FNIP2: variants seen among roughly 807,000 people sequenced by gnomAD.
FNIP2 encodes folliculin-interacting protein 2.
FNIP2 carries 32 observed loss-of-function variants against 108.7 expected under a neutral mutation model. The observed-to-expected ratio is 0.29, with a 90% CI of 0.22 to 0.40. The LOEUF (loss-of-function observed/expected upper bound fraction) is 0.40. FNIP2 is among the 10% of genes least tolerant of loss of function. The pLI is 1.00. For missense variants in FNIP2, 1,202 were observed against 1,381.6 expected (o/e 0.87, Z 2.06); for synonymous variants, 480 against 496.7 (o/e 0.97, Z 0.45).
Position 158,868,717 on chromosome 4 carries a change from T to C in FNIP2, c.2081T>C (p.Leu694Pro). 1.2e-6 allele frequency: 2 copies of C among 1,614,012 alleles called. No individual in the cohort carries two copies. Among genetic ancestry groups the C allele is most frequent in the South Asian group, 1.1e-5 (1 of 91,086 alleles). ...ELLKVEMPTR[L>P]PDRSVAWPCP... ...TTGAAAGTGGAGATGCCTACAAGAC[T>C]GCCAGACCGGTCAGTGGCCTGGCCT... The change falls in exon 13 of 17, where the codon CTG (leucine) becomes CCG (proline). Residue 694 changes from leucine to proline, a missense_variant. Physicochemically the swap from Leu to Pro is moderately conservative, Grantham distance 98 (BLOSUM62 -3). This residue lies in a region of FNIP2 where 878 missense variants were observed against 990.3 expected (regional missense o/e 0.89). Transcript: ENST00000264433. The surrounding 1 kb of genome is among the most constrained non-coding windows in gnomAD (Gnocchi z 4.6).
chr4:158,839,175 C>T (rs991464511), intron 7 of FNIP2, among the ~76,000 whole-genome samples: 2 of 152,122 alleles, frequency 1.3e-5, no homozygotes, highest in African/African-American at 4.8e-5. Flanking sequence ...TTACCCCATA[C>T]CTAAGGGGTG....
Position 158,895,737 on chromosome 4 carries a change from C to T in FNIP2, c.3151-13C>T. The T allele has an allele frequency of 6.5e-7, 1 of 1,538,538 alleles. No homozygotes were observed. Among genetic ancestry groups the T allele is most frequent in the Non-Finnish European group, 9.0e-7 (1 of 1,113,868 alleles). On this transcript the variant is annotated splice_polypyrimidine_tract_variant and intron_variant, in intron 15 of 16. Transcript: ENST00000264433. ...ACTTCTAGCCCTCATTGTGAATGTT[C>T]TTGGCTTTGCAGTGCATCATGCATC... is the stretch of plus-strand genomic sequence containing the variant.
chr4:158,825,013 G>A (rs1778077810), intron 1 of FNIP2, among the ~76,000 whole-genome samples: 1 of 152,154 alleles, frequency 6.6e-6, no homozygotes, highest in Non-Finnish European at 1.5e-5. Flanking sequence ...ACATTCGTCT[G>A]TGATTATTTG....
chr4:158,770,570 C>T (rs893857562), intron 1 of FNIP2, among the ~76,000 whole-genome samples: 1 of 152,076 alleles, frequency 6.6e-6, no homozygotes, highest in African/African-American at 2.4e-5. Context: ...TGTGTGTGCA[C>T]GCGCGCTCAT....
intron 7 of FNIP2, among the ~76,000 whole-genome samples, chr4:158,846,920 C>T (rs1204006507): frequency 7.2e-5 from 11 of 152,162 alleles, no homozygotes; most frequent in Non-Finnish European, 1.0e-4. Flanking sequence ...GAATTGCCAG[C>T]GCCACCCCTC....
At chr4:158,880,390 A>G (rs1365571552) in intron 14 of FNIP2, among the ~76,000 whole-genome samples, 1 of 152,162 alleles carries the variant, frequency 6.6e-6, no homozygotes, top group Non-Finnish European at 1.5e-5. Flanking sequence ...GAATTGAACA[A>G]TGAGAACACA....
chr4:158,899,561 T>C (rs1028599624), intron 16 of FNIP2, among the ~76,000 whole-genome samples: 8 of 152,248 alleles, frequency 5.3e-5, no homozygotes, highest in Non-Finnish European at 8.8e-5. Context: ...ATTTGACTTC[T>C]TCCTAGTTTA....
intron 1 of FNIP2, among the ~76,000 whole-genome samples, chr4:158,776,783 A>T (rs1045984667): frequency 6.6e-6 from 1 of 152,216 alleles, no homozygotes; most frequent in Non-Finnish European, 1.5e-5. Flanking sequence ...CGTTTAATAA[A>T]TACCTGTTGA....
chr4:158,870,446 G>A lies in FNIP2; in HGVS notation c.2926G>A (p.Ala976Thr). The change falls in exon 14 of 17, where the codon GCC becomes ACC. Residue 976 changes from alanine (A) to threonine (T), a missense_variant. Ala to Thr is a moderately conservative substitution (Grantham distance 58, BLOSUM62 0). Around this residue, in one of 5 missense-constraint regions of FNIP2, gnomAD observed 142 missense variants for 183.8 expected, o/e 0.77. Transcript: ENST00000264433. ...SDEKLKQCLV[A>T]DLVHTVHHPV... ...TGAGAAGCTGAAGCAGTGCCTGGTG[G>A]CCGACCTTGTCCACACAGTCCATGT... 6.2e-7 allele frequency: 1 copy of A among 1,613,000 alleles called. No homozygotes were observed. The highest frequency in any genetic ancestry group is 8.5e-7 in the Non-Finnish European group (1 of 1,179,372).
intron 7 of FNIP2, among the ~76,000 whole-genome samples, chr4:158,848,932 A>C (rs1017820768): frequency 2.6e-4 from 39 of 152,272 alleles, no homozygotes; most frequent in African/African-American, 7.7e-4. Flanking sequence ...TTGATGAAGG[A>C]GTGGGTAGCC....
Position 158,794,328 on chromosome 4 carries a change from AT to A in FNIP2, c.107+25017del, listed in dbSNP as rs34183178. Among the ~76,000 whole-genome samples, 89 of 151,418 alleles carry A rather than the reference AT, an allele frequency of 5.9e-4. 2 individuals are homozygous for A. The highest frequency in any genetic ancestry group is 1.5e-5 in the Non-Finnish European group (1 of 67,878). The stretch of plus-strand genomic sequence containing the variant: ...ACCATGCCAGGCTAATTAAAAAAAA[AT>A]TTTTTTTGTAGACACAGGGTCTCCC... On this transcript the variant is annotated intron_variant, in intron 1 of 16. Coordinates refer to ENST00000264433, the MANE Select transcript of FNIP2 (RefSeq NM_020840.3).
chr4:158,822,481 T>C lies in FNIP2; in HGVS notation c.108-3435T>C, dbSNP rs116166123. On this transcript the variant is annotated intron_variant, in intron 1 of 16. Transcript: ENST00000264433. ...TGAGCCATTGTGCCTGACCGTTTTG[T>C]TTTGTTTTGTTTTTGTTTGTTTGTT... Among the ~76,000 whole-genome samples, 421 of 152,184 alleles carry C rather than the reference T, an allele frequency of 2.8e-3. 3 individuals are homozygous for C. Among genetic ancestry groups the C allele is most frequent in the African/African-American group, 9.6e-3 (400 of 41,506 alleles).
chr4:158,870,582 A>T, intron 14 of FNIP2, 113 bp downstream of exon 14: 1 of 1,360,294 alleles, frequency 7.4e-7, no homozygotes, highest in East Asian at 2.5e-5. Flanking sequence ...GTTTATGGAG[A>T]TGTGGGCAGG....
intron 14 of FNIP2, among the ~76,000 whole-genome samples, chr4:158,877,150 C>G (rs560788443): frequency 6.6e-6 from 1 of 152,338 alleles, no homozygotes; most frequent in South Asian, 2.1e-4. Context: ...TTCTCAACTT[C>G]CGACTGAATT....
chr4:158,879,640 A>G lies in FNIP2; in HGVS notation c.2949+9171A>G, dbSNP rs543926847. On this transcript the variant is annotated intron_variant, in intron 14 of 16. Transcript: ENST00000264433. Reference sequence around the variant, plus strand: ...CTTCTGCATGGCAAAAGAAACTACCATCAGAGTGAACAGGCAACCTACAGA... The same window carrying G: ...CTTCTGCATGGCAAAAGAAACTACCGTCAGAGTGAACAGGCAACCTACAGA... Among the ~76,000 whole-genome samples the G allele has an allele frequency of 2.4e-3, 361 of 150,574 alleles. 16 individuals carry two copies. The Middle Eastern group carries it at 0.042, about 17-fold the overall frequency.
chr4:158,897,063 A>C (rs775023157), intron 16 of FNIP2, among the ~76,000 whole-genome samples: 1 of 150,776 alleles, frequency 6.6e-6, no homozygotes. Flanking sequence ...TCATTGTTCA[A>C]CTCCCACGTA....
rs56389652 is a variant in FNIP2, at chr4:158,875,515, G to GATATATATATATATATATATATATAT, written c.2949+5047_2949+5072dup. On this transcript the variant is annotated intron_variant, in intron 14 of 16. Transcript: ENST00000264433. Reference sequence around the variant, plus strand: ...AGAGCTTTGCTAAAAGCCTGGCTGTGATATATATATATATATATATATATA... The same window carrying GATATATATATATATATATATATATAT: ...AGAGCTTTGCTAAAAGCCTGGCTGTGATATATATATATATATATATATATATATATATATATATATATATATATATA... Among the ~76,000 whole-genome samples the GATATATATATATATATATATATATAT allele has an allele frequency of 3.7e-3, 417 of 111,838 alleles. 12 individuals carry two copies. Among genetic ancestry groups the GATATATATATATATATATATATATAT allele is most frequent in the African/African-American group, 4.8e-3 (94 of 19,552 alleles). The allele number at this position is 111,838 out of a possible 152,430, so 73.4% of individuals were successfully genotyped here. A position where few individuals can be genotyped will look rare whatever the true frequency, so the allele number is the denominator to read the frequency against.
At position 158,869,102 on chromosome 4, in the gene FNIP2, C is replaced by T; in HGVS notation, c.2466C>T (p.Ala822=). The change falls in exon 13 of 17, where the codon GCC becomes GCT. Residue 822 remains alanine, a synonymous_variant. Coordinates refer to ENST00000264433, the MANE Select transcript of FNIP2 (RefSeq NM_020840.3). ...GCCACGCTGCTGACTTGGGCACAGC[C>T]TCCCACGGTGCAGGAGGAACGGGAG... is the stretch of plus-strand genomic sequence containing the variant. ...QLSHAADLGT[A]SHGAGGTGGR... 1.2e-6 allele frequency: 2 copies of T among 1,613,994 alleles called. No homozygotes were observed. Among genetic ancestry groups the T allele is most frequent in the South Asian group, 1.1e-5 (1 of 91,084 alleles).
intron 1 of FNIP2, among the ~76,000 whole-genome samples, chr4:158,815,541 C>A (rs1777518925): frequency 6.6e-6 from 1 of 152,050 alleles, no homozygotes; most frequent in Non-Finnish European, 1.5e-5. Context: ...CGCCACCACG[C>A]CCAGCTAATT....
Sources: gnomAD v4.1 joint callset for allele counts (sites outside exome capture counted in the v4.1 genomes callset) on GRCh38, gnomAD v4.1.1 for gene constraint, gnomAD v4.1.1 regional missense constraint, Gnocchi (gnomAD v3.1) non-coding constraint, MANE v1.5 for transcripts, NCBI Gene and HGNC (gene_info 2026-07-23, HGNC 2026-07-21) for gene names.